ZNF385B: variants seen among roughly 807,000 people sequenced by gnomAD.
ZNF385B encodes zinc finger protein 385B.
A neutral mutation model predicts 39.2 loss-of-function variants in ZNF385B; 23 were observed. That is an observed-to-expected ratio of 0.59 (90% confidence interval 0.42 to 0.83). The LOEUF (loss-of-function observed/expected upper bound fraction) is 0.83, where lower values mean the gene tolerates loss of function less well. Among genes scored for constraint, ZNF385B ranks in the 40% least tolerant of loss-of-function variants. ZNF385B has a pLI of 0.00. For missense variants in ZNF385B, 552 were observed against 598.9 expected, an observed-to-expected ratio of 0.92 and a Z score of 0.82; for synonymous variants, 205 against 222.6, an observed-to-expected ratio of 0.92 and a Z score of 0.70.
At chr2:179,659,477 C>A (rs1694213573) in intron 3 of ZNF385B, among the ~76,000 whole-genome samples, 2 of 151,828 alleles carry the variant, frequency 1.3e-5, no homozygotes, top group Admixed American at 1.3e-4. Flanking sequence ...AAAGGTTTGT[C>A]AGATTTCTAT....
At chr2:179,707,877 G>T (rs1311994866) in intron 3 of ZNF385B, among the ~76,000 whole-genome samples, 2 of 152,192 alleles carry the variant, frequency 1.3e-5, no homozygotes, top group East Asian at 3.9e-4. Context: ...GACTGGGGCA[G>T]AAGCTCAAGC....
chr2:179,502,867 C>G (rs2056889615), intron 5 of ZNF385B, among the ~76,000 whole-genome samples: 1 of 152,248 alleles, frequency 6.6e-6, no homozygotes. Flanking sequence ...TTCTTTAGAT[C>G]TCTACCACAA....
At chr2:179,734,510 G>A (rs1047154180) in intron 3 of ZNF385B, among the ~76,000 whole-genome samples, 1 of 152,132 alleles carries the variant, frequency 6.6e-6, no homozygotes, top group Non-Finnish European at 1.5e-5. Flanking sequence ...TTTAATTGAA[G>A]AATGAATCTT....
At chr2:179,497,347 T>C (rs1348124823) in intron 5 of ZNF385B, among the ~76,000 whole-genome samples, 2 of 152,036 alleles carry the variant, frequency 1.3e-5, no homozygotes, top group Non-Finnish European at 2.9e-5. Context: ...CTACAACAAC[T>C]TTTCAAGACA....
rs1192191489 is a variant in ZNF385B at position 179,735,542 on chromosome 2, A to G, written c.298+33961T>C. 2.2e-4 allele frequency among the ~76,000 whole-genome samples: 30 copies of G among 138,842 alleles called. 1 individual carries two copies. The South Asian group carries it at 7.5e-3, about 35-fold the overall frequency. The allele number at this position is 138,842 out of a possible 152,430, so 91.1% of individuals were successfully genotyped here. On this transcript the variant is annotated intron_variant, in intron 3 of 9. Transcript: ENST00000410066. Reference sequence around the variant, plus strand: ...CCATCCCATTACTGGGTATATACCCAAAGGACTATAAATCATGCTGCTATA... The same window carrying G: ...CCATCCCATTACTGGGTATATACCCGAAGGACTATAAATCATGCTGCTATA...
intron 5 of ZNF385B, among the ~76,000 whole-genome samples, chr2:179,485,994 C>T (rs574358504): frequency 1.3e-5 from 2 of 152,110 alleles, no homozygotes; most frequent in East Asian, 3.9e-4. Context: ...AAGGACTTCT[C>T]ATGTTGTTCT....
chr2:179,651,525 C>CCT (rs1238556082), intron 3 of ZNF385B, among the ~76,000 whole-genome samples: 1 of 151,228 alleles, frequency 6.6e-6, no homozygotes, highest in African/African-American at 2.5e-5. Context: ...AAAATATAAC[C>CCT]AACATACTAT....
chr2:179,683,982 A>AT (rs1251986273), intron 3 of ZNF385B, among the ~76,000 whole-genome samples: 11 of 151,888 alleles, frequency 7.2e-5, no homozygotes, highest in South Asian at 4.2e-4. Context: ...TCTCATATTA[A>AT]TTTTTTTTAC....
chr2:179,752,707 TTGTC>T (rs1165311955), intron 3 of ZNF385B, among the ~76,000 whole-genome samples: 8 of 151,696 alleles, frequency 5.3e-5, no homozygotes, highest in African/African-American at 1.7e-4. Flanking sequence ...ATTTTTTCAT[TTGTC>T]TGGCTGCATA....
chr2:179,638,365 C>T (rs2106211446), intron 3 of ZNF385B, among the ~76,000 whole-genome samples: 1 of 152,162 alleles, frequency 6.6e-6, no homozygotes, highest in African/African-American at 2.4e-5. Flanking sequence ...ATTCTAAGGA[C>T]AAAAAGAATT....
chr2:179,607,073 C>A (rs1181696325), intron 3 of ZNF385B, among the ~76,000 whole-genome samples: 1 of 152,020 alleles, frequency 6.6e-6, no homozygotes, highest in Non-Finnish European at 1.5e-5. Flanking sequence ...TTTGGCTTAT[C>A]CAGGGAGGAT....
chr2:179,841,319 A>C (rs1254333601), intron 1 of ZNF385B, among the ~76,000 whole-genome samples: 1 of 152,162 alleles, frequency 6.6e-6, no homozygotes, highest in Non-Finnish European at 1.5e-5. Context: ...GTTTTGATAC[A>C]AGAGATTAAG....
intron 1 of ZNF385B, among the ~76,000 whole-genome samples, chr2:179,826,481 C>T (rs1707690099): frequency 6.6e-6 from 1 of 152,110 alleles, no homozygotes; most frequent in African/African-American, 2.4e-5. Context: ...TTACCCCAGC[C>T]CCATCCATCT....
chr2:179,783,162 C>A (rs907800350), intron 1 of ZNF385B, among the ~76,000 whole-genome samples: 2 of 152,030 alleles, frequency 1.3e-5, no homozygotes, highest in African/African-American at 4.8e-5. Flanking sequence ...GAATATAGAG[C>A]CCAGAAATAA....
chr2:179,556,270 C>T (rs1490240643), intron 3 of ZNF385B, among the ~76,000 whole-genome samples: 1 of 149,590 alleles, frequency 6.7e-6, no homozygotes, highest in East Asian at 1.9e-4. Flanking sequence ...TGACATACTT[C>T]ACTGGCTGCA....
chr2:179,520,698 A>G (rs1217348732), intron 4 of ZNF385B, among the ~76,000 whole-genome samples: 1 of 152,214 alleles, frequency 6.6e-6, no homozygotes, highest in Non-Finnish European at 1.5e-5. Context: ...AGAGCATTTT[A>G]TTGAGATAGT....
chr2:179,470,433 T>C (rs1043624933), intron 6 of ZNF385B, among the ~76,000 whole-genome samples: 31 of 152,298 alleles, frequency 2.0e-4, no homozygotes, highest in African/African-American at 7.5e-4. Context: ...ATTTTTTGCC[T>C]ATGGTCCCAT....
chr2:179,563,999 C>G (rs1480984154), intron 3 of ZNF385B, among the ~76,000 whole-genome samples: 2 of 152,130 alleles, frequency 1.3e-5, no homozygotes, highest in Admixed American at 1.3e-4. Flanking sequence ...TCCTTGAACT[C>G]CCAAGCTCTT....
At chr2:179,676,120 G>A (rs962398060) in intron 3 of ZNF385B, among the ~76,000 whole-genome samples, 2 of 144,568 alleles carry the variant, frequency 1.4e-5, no homozygotes, top group Admixed American at 1.4e-4. Context: ...ACGGAGTTTC[G>A]CTTTGCCGCC....
Sources: gnomAD v4.1 joint callset for allele counts (sites outside exome capture counted in the v4.1 genomes callset) on GRCh38, gnomAD v4.1.1 for gene constraint, MANE v1.5 for transcripts, NCBI Gene and HGNC (gene_info 2026-07-23, HGNC 2026-07-21) for gene names.